Variants in SLC22A23 observed in about 807,000 individuals in gnomAD.
The protein encoded by SLC22A23 is ion transporter protein.
In SLC22A23, 26 loss-of-function variants were observed where a neutral mutation model predicts 61.0. The observed-to-expected ratio is 0.43, with a 90% CI of 0.31 to 0.59. SLC22A23 has a LOEUF of 0.59. Among genes scored for constraint, SLC22A23 ranks in the 20% least tolerant of loss-of-function variants. SLC22A23 has a pLI of 0.11. For missense variants in SLC22A23, 796 were observed against 934.7 expected, an observed-to-expected ratio of 0.85 and a Z score of 1.94; for synonymous variants, 430 against 413.9, an observed-to-expected ratio of 1.04 and a Z score of -0.47.
At chr6:3,338,663 AG>A (rs1763990902) in intron 3 of SLC22A23, among the ~76,000 whole-genome samples, 1 of 152,264 alleles carries the variant, frequency 6.6e-6, no homozygotes, top group East Asian at 1.9e-4. Context: ...TAAACCTAAA[AG>A]GGTAGAGGAA....
chr6:3,332,817 A>G (rs908419748), intron 3 of SLC22A23, among the ~76,000 whole-genome samples: 1 of 152,138 alleles, frequency 6.6e-6, no homozygotes, highest in Admixed American at 6.5e-5. Context: ...CATATTACAT[A>G]TCTTAATTCT....
chr6:3,384,000 G>T (rs1561941721), intron 3 of SLC22A23, among the ~76,000 whole-genome samples: 2 of 152,210 alleles, frequency 1.3e-5, no homozygotes, highest in African/African-American at 4.8e-5. Context: ...CTGCTGGGTT[G>T]AGACCGGTGC....
rs1772379599 is a variant in SLC22A23 at position 3,455,919 on chromosome 6, T to C, written c.641A>G (p.Asn214Ser). ...DYGIRAGLVQ[N>S]VVSKWDLVCD... ...TGCGGCCCTTACCTTGCTGACCACG[T>C]TCTGGACGAGGCCGGCGCGGATGCC... is the stretch of plus-strand genomic sequence containing the variant. The change falls in exon 1 of 10, where the codon AAC becomes AGC. Residue 214 changes from asparagine to serine, a missense_variant. Asn to Ser is a conservative substitution (Grantham distance 46). Coordinates refer to ENST00000406686, the MANE Select transcript of SLC22A23 (RefSeq NM_015482.2). The C allele has an allele frequency of 6.6e-7, 1 of 1,508,344 alleles. No individual in the cohort carries two copies. The highest frequency in any genetic ancestry group is 1.4e-5 in the African/African-American group (1 of 72,622). 93.4% of individuals were successfully genotyped at this position (1,508,344 alleles called of 1,614,324 possible). A position where few individuals can be genotyped will look rare whatever the true frequency, so the allele number is the denominator to read the frequency against.
chr6:3,455,855 C>A (rs1772373316), intron 1 of SLC22A23, 51 bp downstream of exon 1: 2 of 1,454,910 alleles, frequency 1.4e-6, no homozygotes, highest in East Asian at 2.5e-5. Context: ...CGGGCTTGGA[C>A]CTCGGTCTGC....
intron 3 of SLC22A23, among the ~76,000 whole-genome samples, chr6:3,381,734 A>T (rs1766966849): frequency 6.6e-6 from 1 of 152,132 alleles, no homozygotes; most frequent in African/African-American, 2.4e-5. Flanking sequence ...GAATCAGGAG[A>T]AAAGAGCTAG....
At chr6:3,301,513 C>A (rs1761606687) in intron 4 of SLC22A23, among the ~76,000 whole-genome samples, 1 of 152,158 alleles carries the variant, frequency 6.6e-6, no homozygotes, top group Non-Finnish European at 1.5e-5. Flanking sequence ...TGTGTCCTTT[C>A]AAAATAATTA....
rs1362417893 is a variant in SLC22A23 at position 3,297,417 on chromosome 6, G to C, written c.1210+674C>G. On this transcript the variant is annotated intron_variant, in intron 5 of 9. Transcript: ENST00000406686. The surrounding 1 kb of genome is among the most constrained non-coding windows in gnomAD (Gnocchi z 4.3). The stretch of plus-strand genomic sequence containing the variant: ...GGAAATCTGTATACCACTTGCATCA[G>C]AATCTCTTCTAGTGCTTATTAGAAA... Among the ~76,000 whole-genome samples, 1 of 152,162 alleles carries C rather than the reference G, an allele frequency of 6.6e-6. No individual in the cohort carries two copies. Among genetic ancestry groups the C allele is most frequent in the Admixed American group, 6.5e-5 (1 of 15,278 alleles).
chr6:3,280,471 TGA>T (rs1759344514), intron 9 of SLC22A23, among the ~76,000 whole-genome samples: 1 of 145,364 alleles, frequency 6.9e-6, no homozygotes, highest in South Asian at 2.1e-4. Context: ...TTTTCAGATG[TGA>T]CATTTTTAAG....
intron 9 of SLC22A23, 31 bp downstream of exon 9, chr6:3,283,821 G>T: frequency 2.5e-6 from 4 of 1,612,390 alleles, no homozygotes; most frequent in Non-Finnish European, 3.4e-6. Context: ...CCGAGAAGCC[G>T]GCGTCCCCTG....
intron 6 of SLC22A23, among the ~76,000 whole-genome samples, chr6:3,288,535 A>AC (rs1315691355): frequency 2.6e-5 from 4 of 152,160 alleles, no homozygotes; most frequent in African/African-American, 9.7e-5. Context: ...GCAATCTCCT[A>AC]CCTTCTTGCT....
At chr6:3,335,395 C>T (rs1763796972) in intron 3 of SLC22A23, among the ~76,000 whole-genome samples, 1 of 151,954 alleles carries the variant, frequency 6.6e-6, no homozygotes, top group Non-Finnish European at 1.5e-5. Context: ...ATTTCCTGCC[C>T]ACGTGGACAG....
rs1196191411 is a variant in SLC22A23, at chr6:3,390,544, G to A, written c.913+19644C>T. Among the ~76,000 whole-genome samples, 4 of 152,146 alleles carry A rather than the reference G, an allele frequency of 2.6e-5. No individual in the cohort carries two copies. The highest frequency in any genetic ancestry group is 1.9e-4 in the East Asian group (1 of 5,200). On this transcript the variant is annotated intron_variant, in intron 3 of 9. Coordinates refer to ENST00000406686, the MANE Select transcript of SLC22A23 (RefSeq NM_015482.2). This position sits in a 1 kb window ranked among gnomAD's most constrained non-coding sequence, Gnocchi z 4.0. ...GTTGGAGTGAACTCTAGTGCTCCCC[G>A]GGGCCTAGAGTTCTGAGGTACACTT... is the stretch of plus-strand genomic sequence containing the variant.
At chr6:3,295,285 AGGAGCTGGGCAAGGCAAGAGTGG>A (rs1185942641) in intron 5 of SLC22A23, among the ~76,000 whole-genome samples, 1 of 138,052 alleles carries the variant, frequency 7.2e-6, no homozygotes, top group Non-Finnish European at 1.5e-5. Context: ...TTGGTCTCTG[AGGAGCTGGGCAAGGCAAGAGTGG>A]GGAGCTGAGA....
intron 2 of SLC22A23, among the ~76,000 whole-genome samples, chr6:3,411,720 C>T (rs1769264903): frequency 6.6e-6 from 1 of 152,138 alleles, no homozygotes; most frequent in Admixed American, 6.5e-5. Context: ...GATGAAATTA[C>T]ACTCAGAACT....
intron 4 of SLC22A23, among the ~76,000 whole-genome samples, chr6:3,314,045 A>AG (rs749542682): frequency 6.6e-6 from 1 of 152,254 alleles, no homozygotes; most frequent in Non-Finnish European, 1.5e-5. Context: ...AAATTCTTAA[A>AG]TGGTCTTTTA....
At chr6:3,423,589 G>C (rs1770289343) in intron 1 of SLC22A23, among the ~76,000 whole-genome samples, 1 of 152,144 alleles carries the variant, frequency 6.6e-6, no homozygotes, top group South Asian at 2.1e-4. Flanking sequence ...AGGAAGGAGG[G>C]AGTGGGGAGG....
intron 4 of SLC22A23, among the ~76,000 whole-genome samples, chr6:3,300,155 A>T (rs1761489113): frequency 6.6e-6 from 1 of 151,530 alleles, no homozygotes; most frequent in Non-Finnish European, 1.5e-5. Flanking sequence ...GGATTACAGG[A>T]ATGTACCACC....
chr6:3,337,172 G>A (rs1306277089), intron 3 of SLC22A23, among the ~76,000 whole-genome samples: 2 of 152,168 alleles, frequency 1.3e-5, no homozygotes, highest in East Asian at 1.9e-4. Flanking sequence ...AGCCTCTGAG[G>A]GCTCTGCGCT....
chr6:3,352,854 G>A (rs1384242685), intron 3 of SLC22A23, among the ~76,000 whole-genome samples: 4 of 152,150 alleles, frequency 2.6e-5, no homozygotes, highest in Admixed American at 6.5e-5. Flanking sequence ...CCCTGGATAC[G>A]CATGGACAAG....
Sources: allele counts gnomAD v4.1 joint callset (sites outside exome capture counted in the v4.1 genomes callset), GRCh38; gene constraint gnomAD v4.1.1; non-coding constraint Gnocchi (gnomAD v3.1); transcripts MANE v1.5; gene names NCBI Gene and HGNC (gene_info 2026-07-23, HGNC 2026-07-21).